The following RGS6 variants were observed in gnomAD, a reference collection of about 807,000 sequenced individuals.
The protein encoded by RGS6 is regulator of G protein signaling 6.
A neutral mutation model predicts 78.5 loss-of-function variants in RGS6; 30 were observed. The ratio of observed to expected loss-of-function variants is 0.38; its 90% CI spans 0.29 to 0.52. The LOEUF (loss-of-function observed/expected upper bound fraction) is 0.52. Ranked by LOEUF, RGS6 falls within the 20% of genes least tolerant of loss-of-function variation. The pLI, the probability that RGS6 is intolerant of heterozygous loss-of-function variation, is 0.85. For synonymous variants in RGS6, 206 were observed against 206.0 expected (o/e 1.00, Z 0.00); for missense variants, 495 against 609.7 (o/e 0.81, Z 1.98).
chr14:72,388,102 G>A (rs1216139687), intron 3 of RGS6, among the ~76,000 whole-genome samples: 1 of 152,086 alleles, frequency 6.6e-6, no homozygotes, highest in African/African-American at 2.4e-5. Flanking sequence ...TGAATTTTTG[G>A]GGGGACACAA....
intron 3 of RGS6, among the ~76,000 whole-genome samples, chr14:72,402,204 A>G (rs540141366): frequency 6.6e-6 from 1 of 152,356 alleles, no homozygotes; most frequent in Admixed American, 6.5e-5. Flanking sequence ...GATCTCTCTC[A>G]GGGCTCAGAG....
At chr14:72,492,440 G>A (rs2096590362) in intron 12 of RGS6, among the ~76,000 whole-genome samples, 1 of 152,308 alleles carries the variant, frequency 6.6e-6, no homozygotes, top group East Asian at 1.9e-4. Context: ...GGGTTTTCAA[G>A]GGAGAAGGGA....
chr14:72,132,122 A>G (rs2096333007), intron 2 of RGS6, among the ~76,000 whole-genome samples: 3 of 152,072 alleles, frequency 2.0e-5, no homozygotes, highest in Admixed American at 2.0e-4. Flanking sequence ...TGTCTTACCT[A>G]TTGGACCTGA....
chr14:72,125,443 A>G (rs1321545664), intron 2 of RGS6, among the ~76,000 whole-genome samples: 3 of 152,136 alleles, frequency 2.0e-5, no homozygotes, highest in Non-Finnish European at 4.4e-5. Flanking sequence ...AGAATAGGGA[A>G]CTGATAACCC....
At chr14:72,234,002 G>C (rs957793987) in intron 2 of RGS6, among the ~76,000 whole-genome samples, 1 of 152,126 alleles carries the variant, frequency 6.6e-6, no homozygotes, top group Non-Finnish European at 1.5e-5. Flanking sequence ...CACTGGTTAA[G>C]GGAACGAACG....
chr14:72,315,450 T>C (rs1433149260), intron 2 of RGS6, among the ~76,000 whole-genome samples: 4 of 152,240 alleles, frequency 2.6e-5, no homozygotes, highest in Non-Finnish European at 5.9e-5. Flanking sequence ...AGTCGAAACA[T>C]TGAATAAATC....
upstream of RGS6, among the ~76,000 whole-genome samples, chr14:71,929,822 CTTATT>C (rs1029942608): frequency 5.5e-4 from 83 of 152,264 alleles, 2 homozygotes; most frequent in African/African-American, 1.9e-3. Context: ...CTCATGGACT[CTTATT>C]TTACTCAAAG....
intron 17 of RGS6, among the ~76,000 whole-genome samples, chr14:72,548,776 G>A (rs1215429266): frequency 6.6e-6 from 1 of 152,106 alleles, no homozygotes; most frequent in Non-Finnish European, 1.5e-5. Flanking sequence ...GGACACTTCC[G>A]GGTTGCTCCA....
intron 3 of RGS6, among the ~76,000 whole-genome samples, chr14:72,369,590 G>C (rs2083074478): frequency 6.6e-6 from 1 of 151,878 alleles, no homozygotes; most frequent in African/African-American, 2.4e-5. Context: ...ACTGAAAAAA[G>C]AAACAAGCAA....
intron 2 of RGS6, among the ~76,000 whole-genome samples, chr14:72,213,888 C>G (rs1258800984): frequency 6.6e-6 from 1 of 152,138 alleles, no homozygotes; most frequent in African/African-American, 2.4e-5. Context: ...ACACTACTCT[C>G]TATATTTTGG....
At chr14:72,600,153 T>C in the RGS6 span, among the ~76,000 whole-genome samples, 1 of 152,058 alleles carries the variant, frequency 6.6e-6, no homozygotes, top group Non-Finnish European at 1.5e-5. Flanking sequence ...GTCAACTTGT[T>C]ACTGCCTTCA....
intron 14 of RGS6, chr14:72,516,971 A>G (rs1296183563): frequency 6.6e-6 from 1 of 152,304 alleles, no homozygotes; most frequent in East Asian, 1.9e-4. Flanking sequence ...TCAGGGGAAG[A>G]GTTGGAGCCC....
the RGS6 span, among the ~76,000 whole-genome samples, chr14:72,586,583 G>A: frequency 1.3e-5 from 2 of 152,098 alleles, no homozygotes; most frequent in Non-Finnish European, 2.9e-5. Context: ...GTAAGATACT[G>A]ATCCTTTCGA....
At chr14:72,353,772 C>G (rs1648496578) in intron 3 of RGS6, among the ~76,000 whole-genome samples, 1 of 152,100 alleles carries the variant, frequency 6.6e-6, no homozygotes, top group African/African-American at 2.4e-5. Flanking sequence ...CACCTGAGGT[C>G]AGGGGGTTGA....
intron 2 of RGS6, among the ~76,000 whole-genome samples, chr14:72,294,823 G>T (rs2064375347): frequency 1.3e-5 from 2 of 152,096 alleles, no homozygotes; most frequent in Admixed American, 1.3e-4. Context: ...CCACCACTAT[G>T]ATCCAATCAC....
chr14:72,357,233 C>T (rs539318770), intron 3 of RGS6, among the ~76,000 whole-genome samples: 22 of 151,194 alleles, frequency 1.5e-4, no homozygotes, highest in African/African-American at 5.1e-4. Flanking sequence ...GATCACACCA[C>T]TGCATTCCAG....
intron 2 of RGS6, among the ~76,000 whole-genome samples, chr14:72,340,679 G>GAATGA (rs1296622022): frequency 2.0e-5 from 3 of 152,176 alleles, no homozygotes; most frequent in African/African-American, 7.2e-5. Context: ...TGCAGCTGCT[G>GAATGA]AGGAAACTTC....
chr14:72,541,542 C>T lies in RGS6; in HGVS notation c.1422+1448C>T, dbSNP rs761458603. The stretch of plus-strand genomic sequence containing the variant: ...TGCTTTGCCAATGGCCGTGTGGCTC[C>T]GCACACCAAGAAGCTGCCACGGGCT... On this transcript the variant is annotated intron_variant, in intron 17 of 17. Coordinates refer to ENST00000553525, the MANE Select transcript of RGS6 (RefSeq NM_001204424.2). The T allele has an allele frequency of 2.8e-5, 43 of 1,535,664 alleles. 1 individual carries two copies. The highest frequency in any genetic ancestry group is 1.4e-4 in the African/African-American group (10 of 73,166).
intron 2 of RGS6, among the ~76,000 whole-genome samples, chr14:72,002,655 G>A (rs2153223225): frequency 6.6e-6 from 1 of 152,290 alleles, no homozygotes; most frequent in East Asian, 1.9e-4. Flanking sequence ...TAATGACAAT[G>A]ATTATGGAGG....
Sources: allele counts gnomAD v4.1 joint callset (sites outside exome capture counted in the v4.1 genomes callset), GRCh38; gene constraint gnomAD v4.1.1; transcripts MANE v1.5; gene names NCBI Gene and HGNC (gene_info 2026-07-23, HGNC 2026-07-21).